The following PAPPA2 variants were observed in gnomAD, a reference collection of about 807,000 sequenced individuals.
PAPPA2 encodes pappalysin 2.
Under a neutral mutation model 176.4 loss-of-function variants are expected in PAPPA2, and 86 were observed. The ratio of observed to expected loss-of-function variants is 0.49; its 90% confidence interval spans 0.41 to 0.58. The LOEUF (loss-of-function observed/expected upper bound fraction) is 0.58, where lower values mean the gene tolerates loss of function less well. PAPPA2 is among the 20% of genes least tolerant of loss of function. The pLI, the probability that PAPPA2 is intolerant of heterozygous loss-of-function variation, is 0.00. For missense variants in PAPPA2, 2,073 were observed against 2,256.9 expected (o/e 0.92, Z 1.65); for synonymous variants, 809 against 852.2 (o/e 0.95, Z 0.88).
intron 9 of PAPPA2, among the ~76,000 whole-genome samples, chr1:176,705,588 G>A (rs1194970336): frequency 1.3e-5 from 2 of 152,136 alleles, no homozygotes; most frequent in African/African-American, 4.8e-5. Context: ...TCTTTCATAG[G>A]AGCATCAACC....
At chr1:176,784,310 CA>C (rs1664838855) in intron 17 of PAPPA2, among the ~76,000 whole-genome samples, 1 of 152,140 alleles carries the variant, frequency 6.6e-6, no homozygotes, top group South Asian at 2.1e-4. Context: ...AGGCCATACA[CA>C]AAGGATCATT....
At chr1:176,561,975 C>G (rs1213541891) in intron 2 of PAPPA2, among the ~76,000 whole-genome samples, 2 of 152,156 alleles carry the variant, frequency 1.3e-5, no homozygotes, top group African/African-American at 4.8e-5. Context: ...ACCATGAGAT[C>G]TCCTGAGACT....
chr1:176,602,499 A>G (rs1050626317), intron 3 of PAPPA2, among the ~76,000 whole-genome samples: 6 of 152,194 alleles, frequency 3.9e-5, no homozygotes, highest in Non-Finnish European at 8.8e-5. Context: ...TTGCTCACCC[A>G]CACTCGGAGG....
At chr1:176,590,038 G>A (rs1331743289) in intron 2 of PAPPA2, among the ~76,000 whole-genome samples, 1 of 152,220 alleles carries the variant, frequency 6.6e-6, no homozygotes, top group African/African-American at 2.4e-5. Flanking sequence ...ATGAAGAAGA[G>A]CAGACCTGGG....
chr1:176,572,763 A>G (rs747258808), intron 2 of PAPPA2, among the ~76,000 whole-genome samples: 2 of 152,248 alleles, frequency 1.3e-5, no homozygotes, highest in East Asian at 3.8e-4. Flanking sequence ...AAAACCTGAC[A>G]TGTGAACGTC....
At chr1:176,781,399 G>A (rs1364521926) in intron 17 of PAPPA2, among the ~76,000 whole-genome samples, 1 of 25,220 alleles carries the variant, frequency 4.0e-5, no homozygotes, top group African/African-American at 1.0e-4. Flanking sequence ...TTTTTTTTTT[G>A]TCAGGGAAGA....
chr1:176,782,702 G>A (rs1003667695), intron 17 of PAPPA2, among the ~76,000 whole-genome samples: 1 of 152,158 alleles, frequency 6.6e-6, no homozygotes, highest in African/African-American at 2.4e-5. Context: ...GAACACACGG[G>A]ACCTCGTAGG....
At chr1:176,685,661 C>A (rs1659803918) in intron 4 of PAPPA2, among the ~76,000 whole-genome samples, 1 of 152,240 alleles carries the variant, frequency 6.6e-6, no homozygotes, top group Non-Finnish European at 1.5e-5. Flanking sequence ...GGGGAATGCA[C>A]AGTCCCTCCG....
chr1:176,829,357 C>T (rs367816067), intron 21 of PAPPA2, among the ~76,000 whole-genome samples: 3 of 152,146 alleles, frequency 2.0e-5, no homozygotes, highest in Non-Finnish European at 2.9e-5. Flanking sequence ...ACAAGGCATA[C>T]GGTCGTTTCC....
chr1:176,731,731 A>T (rs185659941), intron 12 of PAPPA2, among the ~76,000 whole-genome samples: 1 of 149,904 alleles, frequency 6.7e-6, no homozygotes, highest in Non-Finnish European at 1.5e-5. Context: ...ATATATGTGT[A>T]CATATACATG....
intron 1 of PAPPA2, among the ~76,000 whole-genome samples, chr1:176,487,806 G>A (rs1467012872): frequency 1.3e-5 from 2 of 152,130 alleles, no homozygotes; most frequent in Non-Finnish European, 2.9e-5. Flanking sequence ...CACAAGAGAA[G>A]CAATAAAAGG....
intron 1 of PAPPA2, among the ~76,000 whole-genome samples, chr1:176,519,280 C>T (rs1649087290): frequency 6.6e-6 from 1 of 152,066 alleles, no homozygotes; most frequent in African/African-American, 2.4e-5. Flanking sequence ...GTAGTGTGCA[C>T]AGGGAATAAA....
At chr1:176,665,511 C>T (rs375723187) in intron 3 of PAPPA2, among the ~76,000 whole-genome samples, 17 of 152,242 alleles carry the variant, frequency 1.1e-4, no homozygotes, top group African/African-American at 3.6e-4. Context: ...ATGGAGAAAG[C>T]GGCCCTTATC....
At chr1:176,799,970 G>A (rs1385197931) in intron 20 of PAPPA2, 91 bp from the exon 21 acceptor site, 3 of 1,265,306 alleles carry the variant, frequency 2.4e-6, no homozygotes, top group Non-Finnish European at 3.4e-6. Context: ...AAATGGAGTT[G>A]GACTCCTGTG....
intron 1 of PAPPA2, among the ~76,000 whole-genome samples, chr1:176,472,982 C>T (rs1651951081): frequency 6.6e-6 from 1 of 152,126 alleles, no homozygotes; most frequent in Non-Finnish European, 1.5e-5. Flanking sequence ...CAGCATTTCA[C>T]CCCAGAGCAA....
At chr1:176,831,448 G>A (rs547456156) in intron 21 of PAPPA2, among the ~76,000 whole-genome samples, 3 of 152,312 alleles carry the variant, frequency 2.0e-5, no homozygotes, top group South Asian at 2.1e-4. Flanking sequence ...CTTCAACTTC[G>A]AGTTGGTGTT....
At chr1:176,480,408 C>A (rs542654779) in intron 1 of PAPPA2, among the ~76,000 whole-genome samples, 1 of 152,254 alleles carries the variant, frequency 6.6e-6, no homozygotes, top group South Asian at 2.1e-4. Flanking sequence ...GGACAGGTAC[C>A]CACATCAGGA....
chr1:176,633,949 G>A (rs984185594), intron 3 of PAPPA2, among the ~76,000 whole-genome samples: 4 of 152,202 alleles, frequency 2.6e-5, no homozygotes, highest in African/African-American at 9.7e-5. Context: ...AACAACAGGT[G>A]CTGGAGAGGA....
chr1:176,507,969 G>A (rs4652181), intron 1 of PAPPA2, among the ~76,000 whole-genome samples: 94,660 of 151,908 alleles, frequency 0.62, 31,364 homozygotes, highest in East Asian at 0.95. Flanking sequence ...AGTAAAAATC[G>A]GAAGAAAAAC....
Sources: allele counts gnomAD v4.1 joint callset (sites outside exome capture counted in the v4.1 genomes callset), GRCh38; gene constraint gnomAD v4.1.1; transcripts MANE v1.5; gene names NCBI Gene and HGNC (gene_info 2026-07-23, HGNC 2026-07-21).